Variants in EXOC4 observed in about 807,000 individuals in gnomAD.
EXOC4 encodes SEC8-like 1.
EXOC4 carries 71 observed loss-of-function variants against 107.2 expected under a neutral mutation model. The observed-to-expected ratio is 0.66, with a 90% CI of 0.55 to 0.81. The LOEUF (loss-of-function observed/expected upper bound fraction) is 0.81. EXOC4 is among the 30% of genes least tolerant of loss of function. The probability of loss-of-function intolerance (pLI) is 0.00; values close to 1 mark genes in which losing one functional copy is unlikely to be tolerated. For synonymous variants in EXOC4, 456 were observed against 441.2 expected, an observed-to-expected ratio of 1.03 and a Z score of -0.42; for missense variants, 1,108 against 1,189.6, an observed-to-expected ratio of 0.93 and a Z score of 1.01.
intron 9 of EXOC4, among the ~76,000 whole-genome samples, chr7:133,548,384 A>G (rs1800522794): frequency 6.6e-6 from 1 of 152,188 alleles, no homozygotes; most frequent in Admixed American, 6.5e-5. Context: ...TTAAGTCACC[A>G]GCTGCATTAG....
chr7:133,706,908 C>T (rs1175317725), intron 10 of EXOC4, among the ~76,000 whole-genome samples: 2 of 152,172 alleles, frequency 1.3e-5, no homozygotes, highest in African/African-American at 2.4e-5. Context: ...CCAAAGGCCC[C>T]ACATCCTAAT....
chr7:133,625,906 G>T (rs537012125), intron 9 of EXOC4, among the ~76,000 whole-genome samples: 100 of 152,138 alleles, frequency 6.6e-4, no homozygotes, highest in African/African-American at 2.3e-3. Flanking sequence ...TGAACAACAT[G>T]TTCCTTAAGA....
intron 6 of EXOC4, among the ~76,000 whole-genome samples, chr7:133,363,609 TAA>T (rs10714895): frequency 0.25 from 35,056 of 142,114 alleles, 4,383 homozygotes; most frequent in South Asian, 0.3. Flanking sequence ...GTGGCAAAGT[TAA>T]AAAAAAAAAA....
At chr7:133,454,806 A>T (rs767266664) in intron 7 of EXOC4, among the ~76,000 whole-genome samples, 2 of 152,174 alleles carry the variant, frequency 1.3e-5, no homozygotes, top group Non-Finnish European at 2.9e-5. Context: ...ATATACTATG[A>T]TTAAGTTATA....
At chr7:133,359,614 A>G (rs1185608758) in intron 6 of EXOC4, among the ~76,000 whole-genome samples, 1 of 152,168 alleles carries the variant, frequency 6.6e-6, no homozygotes, top group Non-Finnish European at 1.5e-5. Flanking sequence ...TTATTCTGAG[A>G]CAAGATACCC....
chr7:133,590,418 T>C (rs1801514334), intron 9 of EXOC4, among the ~76,000 whole-genome samples: 1 of 152,134 alleles, frequency 6.6e-6, no homozygotes, highest in Non-Finnish European at 1.5e-5. Context: ...GCAGGGTCCC[T>C]GGCAAAGGCT....
chr7:134,072,070 C>G, the EXOC4 span, among the ~76,000 whole-genome samples: 1 of 152,222 alleles, frequency 6.6e-6, no homozygotes. Flanking sequence ...TGACAGAAAT[C>G]TTGGAAACAC....
At chr7:133,734,452 A>G (rs1176454343) in intron 10 of EXOC4, among the ~76,000 whole-genome samples, 2 of 142,158 alleles carry the variant, frequency 1.4e-5, no homozygotes, top group African/African-American at 2.6e-5. Flanking sequence ...TTTTTTCGAG[A>G]TGGTTATGAG....
At chr7:133,351,805 G>A (rs903530886) in intron 5 of EXOC4, among the ~76,000 whole-genome samples, 2 of 151,710 alleles carry the variant, frequency 1.3e-5, no homozygotes, top group Non-Finnish European at 2.9e-5. Context: ...TTTACCGTAA[G>A]CATTTATAAC....
chr7:134,062,872 A>G (rs1451302177), intron 17 of EXOC4, among the ~76,000 whole-genome samples: 2 of 152,238 alleles, frequency 1.3e-5, no homozygotes, highest in African/African-American at 4.8e-5. Context: ...CCTATAATGC[A>G]TATTTCTATT....
chr7:133,323,136 A>G (rs765518451), intron 5 of EXOC4, among the ~76,000 whole-genome samples: 1 of 152,168 alleles, frequency 6.6e-6, no homozygotes, highest in Non-Finnish European at 1.5e-5. Context: ...TTTTCTAAAT[A>G]TACAATCATG....
intron 17 of EXOC4, among the ~76,000 whole-genome samples, chr7:134,034,547 G>A (rs1225341553): frequency 6.6e-6 from 1 of 152,132 alleles, no homozygotes; most frequent in Non-Finnish European, 1.5e-5. Flanking sequence ...AAATCTGATG[G>A]TTTTATAAGG....
chr7:133,686,964 C>T (rs1052677222), intron 10 of EXOC4, among the ~76,000 whole-genome samples: 15 of 150,998 alleles, frequency 9.9e-5, no homozygotes, highest in African/African-American at 3.7e-4. Flanking sequence ...AGCCCAAATG[C>T]CTATCAATCA....
chr7:133,832,807 G>GT (rs1214799748), intron 11 of EXOC4, among the ~76,000 whole-genome samples: 17 of 152,206 alleles, frequency 1.1e-4, no homozygotes, highest in East Asian at 7.7e-4. Flanking sequence ...AAATCAGTTG[G>GT]TTTTTTTATG....
At chr7:133,520,170 A>C (rs1356570608) in intron 9 of EXOC4, among the ~76,000 whole-genome samples, 1 of 152,240 alleles carries the variant, frequency 6.6e-6, no homozygotes, top group Non-Finnish European at 1.5e-5. Flanking sequence ...TTAATTGAAT[A>C]ATGTTGCCAC....
At chr7:133,638,125 A>G (rs1802758371) in intron 10 of EXOC4, among the ~76,000 whole-genome samples, 1 of 151,046 alleles carries the variant, frequency 6.6e-6, no homozygotes, top group South Asian at 2.1e-4. Context: ...GAAATCACTT[A>G]AAGAGATAGT....
At chr7:133,946,181 A>G (rs1168316688) in intron 14 of EXOC4, among the ~76,000 whole-genome samples, 2 of 152,088 alleles carry the variant, frequency 1.3e-5, no homozygotes, top group Non-Finnish European at 2.9e-5. Context: ...TTTCATTCTT[A>G]GTAGTTGTCA....
At chr7:133,528,677 C>T (rs1800124750) in intron 9 of EXOC4, among the ~76,000 whole-genome samples, 1 of 151,938 alleles carries the variant, frequency 6.6e-6, no homozygotes, top group Non-Finnish European at 1.5e-5. Context: ...CGTGTATCAC[C>T]AGCTTAATTT....
intron 10 of EXOC4, among the ~76,000 whole-genome samples, chr7:133,753,790 G>A (rs1257552623): frequency 2.0e-5 from 3 of 152,272 alleles, no homozygotes; most frequent in South Asian, 2.1e-4. Context: ...AGGGTGGGGC[G>A]AGGCTGGAGC....
Sources: allele counts gnomAD v4.1 joint callset (sites outside exome capture counted in the v4.1 genomes callset), GRCh38; gene constraint gnomAD v4.1.1; transcripts MANE v1.5; gene names NCBI Gene and HGNC (gene_info 2026-07-23, HGNC 2026-07-21).